TMEM108: variants seen among roughly 807,000 people sequenced by gnomAD.
TMEM108 encodes cancer/testis antigen 124.
TMEM108 carries 12 observed loss-of-function variants against 35.1 expected under a neutral mutation model. The ratio of observed to expected loss-of-function variants is 0.34; its 90% confidence interval spans 0.22 to 0.55. The LOEUF (loss-of-function observed/expected upper bound fraction) is 0.55, where lower values mean the gene tolerates loss of function less well. TMEM108 is among the 20% of genes least tolerant of loss of function. The pLI, the probability that TMEM108 is intolerant of heterozygous loss-of-function variation, is 0.89. For synonymous variants in TMEM108, 287 were observed against 308.6 expected, an observed-to-expected ratio of 0.93 and a Z score of 0.73; for missense variants, 680 against 753.3, an observed-to-expected ratio of 0.90 and a Z score of 1.14.
At chr3:133,117,862 G>A (rs187652739) in intron 2 of TMEM108, among the ~76,000 whole-genome samples, 59 of 152,258 alleles carry the variant, frequency 3.9e-4, no homozygotes, top group African/African-American at 1.0e-3. Context: ...AACAGTTCCC[G>A]TTGCTTTTTG....
At chr3:133,270,570 T>G (rs1021161903) in intron 3 of TMEM108, among the ~76,000 whole-genome samples, 6 of 152,126 alleles carry the variant, frequency 3.9e-5, no homozygotes, top group Admixed American at 2.6e-4. Context: ...GGCTGCTGGA[T>G]GGAGCTGGGA....
intron 3 of TMEM108, among the ~76,000 whole-genome samples, chr3:133,359,621 G>A (rs2072283789): frequency 6.6e-6 from 1 of 152,222 alleles, no homozygotes; most frequent in Admixed American, 6.5e-5. Context: ...AAAGCTGGGA[G>A]AGAGACATCA....
chr3:133,216,724 A>C (rs934567556), intron 2 of TMEM108, among the ~76,000 whole-genome samples: 1 of 151,938 alleles, frequency 6.6e-6, no homozygotes, highest in African/African-American at 2.4e-5. Context: ...TTCACTTACT[A>C]TCTTCCAAGT....
intron 2 of TMEM108, among the ~76,000 whole-genome samples, chr3:133,070,131 C>CT (rs2107688717): frequency 6.6e-6 from 1 of 152,210 alleles, no homozygotes; most frequent in East Asian, 1.9e-4. Context: ...CACTGAGTGA[C>CT]ATCACCAGTA....
intron 3 of TMEM108, among the ~76,000 whole-genome samples, chr3:133,345,892 G>A (rs115111780): frequency 1.1e-3 from 165 of 152,040 alleles, no homozygotes; most frequent in African/African-American, 3.6e-3. Context: ...AATACAGTAT[G>A]TAGCCTTTTC....
At chr3:133,258,124 C>A (rs550058819) in intron 3 of TMEM108, among the ~76,000 whole-genome samples, 2 of 152,158 alleles carry the variant, frequency 1.3e-5, no homozygotes, top group East Asian at 3.9e-4. Flanking sequence ...AGGGTGGATC[C>A]CTCGTGAATG....
At chr3:133,306,077 A>G (rs529213988) in intron 3 of TMEM108, among the ~76,000 whole-genome samples, 3 of 152,192 alleles carry the variant, frequency 2.0e-5, no homozygotes, top group African/African-American at 7.2e-5. Context: ...TCTTAATAGT[A>G]CTTTTCGAAG....
At chr3:133,300,719 T>A (rs1466524486) in intron 3 of TMEM108, among the ~76,000 whole-genome samples, 1 of 151,976 alleles carries the variant, frequency 6.6e-6, no homozygotes, top group African/African-American at 2.4e-5. Context: ...GGTTGCCAGG[T>A]ACCTAGCCCT....
At chr3:133,244,386 C>T (rs1946355606) in intron 3 of TMEM108, among the ~76,000 whole-genome samples, 1 of 152,160 alleles carries the variant, frequency 6.6e-6, no homozygotes, top group African/African-American at 2.4e-5. Flanking sequence ...ACTGCATCTT[C>T]CTCCTCTCCT....
chr3:133,169,145 T>G (rs1031986186), intron 2 of TMEM108, among the ~76,000 whole-genome samples: 2 of 152,220 alleles, frequency 1.3e-5, no homozygotes, highest in Admixed American at 1.3e-4. Flanking sequence ...ATAACAGCAT[T>G]AATCCATTCA....
intron 3 of TMEM108, among the ~76,000 whole-genome samples, chr3:133,324,700 G>T (rs1170501781): frequency 6.6e-6 from 1 of 152,170 alleles, no homozygotes; most frequent in Non-Finnish European, 1.5e-5. Context: ...GTCAGTGGCT[G>T]AACGCAGTGG....
At chr3:133,133,698 T>C (rs1944524050) in intron 2 of TMEM108, among the ~76,000 whole-genome samples, 1 of 150,552 alleles carries the variant, frequency 6.6e-6, no homozygotes, top group South Asian at 2.1e-4. Flanking sequence ...TTTCTTTCTT[T>C]TTTTTTTTTT....
intron 3 of TMEM108, among the ~76,000 whole-genome samples, chr3:133,357,545 G>A (rs190417750): frequency 2.5e-4 from 38 of 152,218 alleles, no homozygotes; most frequent in Admixed American, 2.2e-3. Flanking sequence ...ACCAACCAAC[G>A]AATGGATAAA....
At chr3:133,169,480 CAT>C (rs1243402875) in intron 2 of TMEM108, among the ~76,000 whole-genome samples, 6 of 152,204 alleles carry the variant, frequency 3.9e-5, no homozygotes, top group African/African-American at 1.2e-4. Flanking sequence ...GGTGGAATCA[CAT>C]GAGAGAGCTT....
intron 5 of TMEM108, 146 bp from the exon 6 acceptor site, chr3:133,395,718 C>A: frequency 1.4e-6 from 1 of 706,840 alleles, no homozygotes; most frequent in Non-Finnish European, 2.1e-6. Context: ...GAGGGCTGTG[C>A]ACCTCAGCAT....
At chr3:133,155,793 G>T (rs1944872644) in intron 2 of TMEM108, among the ~76,000 whole-genome samples, 1 of 151,996 alleles carries the variant, frequency 6.6e-6, no homozygotes, top group Admixed American at 6.6e-5. Context: ...CGTTCTGTGG[G>T]TTGTCTGTTT....
chr3:133,196,302 G>T (rs1350478332), intron 2 of TMEM108, among the ~76,000 whole-genome samples: 1 of 152,140 alleles, frequency 6.6e-6, no homozygotes, highest in Non-Finnish European at 1.5e-5. Context: ...ATTTTGAATA[G>T]GGCTCCCACA....
chr3:133,313,244 C>G (rs1351309378), intron 3 of TMEM108, among the ~76,000 whole-genome samples: 1 of 151,368 alleles, frequency 6.6e-6, no homozygotes, highest in Non-Finnish European at 1.5e-5. Context: ...GTCACCCAGG[C>G]TGGAGTGCAG....
chr3:133,131,142 C>T (rs915015969), intron 2 of TMEM108, among the ~76,000 whole-genome samples: 7 of 151,972 alleles, frequency 4.6e-5, no homozygotes, highest in East Asian at 1.9e-4. Context: ...GAAACTTTTC[C>T]GTTTAAAACT....
Sources: gnomAD v4.1 joint callset for allele counts (sites outside exome capture counted in the v4.1 genomes callset) on GRCh38, gnomAD v4.1.1 for gene constraint, MANE v1.5 for transcripts, NCBI Gene and HGNC (gene_info 2026-07-23, HGNC 2026-07-21) for gene names.